Variants in CHST9 observed in about 807,000 individuals in gnomAD.
The protein encoded by CHST9 is carbohydrate sulfotransferase 9.
In CHST9, 41 loss-of-function variants were observed where a neutral mutation model predicts 44.4. The ratio of observed to expected loss-of-function variants is 0.92; its 90% CI spans 0.72 to 1.20. The LOEUF is 1.20. Ranked by LOEUF, CHST9 falls within the 50% of genes most tolerant of loss-of-function variation. CHST9 has a pLI of 0.00. For synonymous variants in CHST9, 171 were observed against 178.4 expected (o/e 0.96, Z 0.33); for missense variants, 504 against 516.5 (o/e 0.98, Z 0.23).
At chr18:26,967,515 A>G (rs769344384) in intron 4 of CHST9, among the ~76,000 whole-genome samples, 9 of 152,206 alleles carry the variant, frequency 5.9e-5, no homozygotes, top group Admixed American at 3.3e-4. Flanking sequence ...TAGAAGTCCT[A>G]TAATTTTGTG....
At chr18:26,981,687 GT>G (rs953552638) in intron 4 of CHST9, among the ~76,000 whole-genome samples, 3 of 152,180 alleles carry the variant, frequency 2.0e-5, no homozygotes, top group African/African-American at 7.2e-5. Flanking sequence ...GTGCTTTGTA[GT>G]TAACAAAGAC....
intron 4 of CHST9, among the ~76,000 whole-genome samples, chr18:26,994,189 A>AT (rs1349905449): frequency 6.6e-6 from 1 of 152,206 alleles, no homozygotes; most frequent in Non-Finnish European, 1.5e-5. Context: ...CAACATATAC[A>AT]TTTTGAGGGC....
chr18:27,123,761 G>T (rs188955953), intron 2 of CHST9, among the ~76,000 whole-genome samples: 2 of 152,272 alleles, frequency 1.3e-5, no homozygotes, highest in East Asian at 3.9e-4. Flanking sequence ...ATCTGAGGAG[G>T]CCAGAGAGAG....
intron 1 of CHST9, among the ~76,000 whole-genome samples, chr18:27,183,095 C>T (rs2058926274): frequency 6.7e-6 from 1 of 149,882 alleles, no homozygotes; most frequent in Non-Finnish European, 1.5e-5. Flanking sequence ...TAATTTCTAG[C>T]TTCTCTCTGT....
At position 27,024,111 on chromosome 18, in the gene CHST9, C is replaced by T; in HGVS notation, c.202+5G>A. The T allele has an allele frequency of 6.2e-7, 1 of 1,611,908 alleles. No individual in the cohort carries two copies. Among genetic ancestry groups the T allele is most frequent in the African/African-American group, 1.3e-5 (1 of 74,934 alleles). On this transcript the variant is annotated splice_donor_5th_base_variant and intron_variant, in intron 4 of 5. Coordinates refer to ENST00000618847, the MANE Select transcript of CHST9 (RefSeq NM_031422.6). ...AGATTCAAACATTATGAGGAAGTTACTCACTGATTCTGGGTACAGGCCGCA... is the reference window on the plus strand; with the variant it reads ...AGATTCAAACATTATGAGGAAGTTATTCACTGATTCTGGGTACAGGCCGCA...
At chr18:27,028,404 A>G (rs1009285009) in intron 3 of CHST9, among the ~76,000 whole-genome samples, 1 of 152,160 alleles carries the variant, frequency 6.6e-6, no homozygotes, top group African/African-American at 2.4e-5. Flanking sequence ...GTCCACATAC[A>G]TCTCCACAGG....
intron 4 of CHST9, among the ~76,000 whole-genome samples, chr18:26,956,203 T>C (rs1259740470): frequency 6.6e-6 from 1 of 150,744 alleles, no homozygotes; most frequent in Admixed American, 6.6e-5. Flanking sequence ...TCCCAGCTAC[T>C]CAGGAGGCTG....
At chr18:26,931,070 A>G (rs2055870079) in intron 5 of CHST9, among the ~76,000 whole-genome samples, 1 of 152,132 alleles carries the variant, frequency 6.6e-6, no homozygotes, top group South Asian at 2.1e-4. Context: ...GGGATTGTTG[A>G]TGCATCCAAC....
chr18:27,151,757 A>G (rs1490735394), intron 1 of CHST9, among the ~76,000 whole-genome samples: 8 of 152,174 alleles, frequency 5.3e-5, no homozygotes, highest in Non-Finnish European at 1.2e-4. Context: ...AGCAGCTAAA[A>G]AAGACAAGGA....
At position 26,908,558 on chromosome 18, in the gene CHST9, AAAG is replaced by A. The variant is rs1333282562; in HGVS notation, c.*7698_*7700del. ...TCAAAAGAAGAAAAATGCAAAGAGA[AAAG>A]AAGTAATTTTTAAATAAATAAATAA... On this transcript the variant is annotated 3_prime_UTR_variant, in exon 6 of 6. Coordinates refer to ENST00000618847, the MANE Select transcript of CHST9 (RefSeq NM_031422.6). 1.3e-5 allele frequency: 2 copies of A among 152,236 alleles called. No homozygotes were observed. The highest frequency in any genetic ancestry group is 4.8e-5 in the African/African-American group (2 of 41,468). 9.4% of individuals were successfully genotyped at this position (152,236 alleles called of 1,614,324 possible).
In CHST9 at chr18:26,915,622, T is replaced by C. The variant is rs949191606; in HGVS notation, c.*637A>G. On this transcript the variant is annotated 3_prime_UTR_variant, in exon 6 of 6. Coordinates refer to ENST00000618847, the MANE Select transcript of CHST9 (RefSeq NM_031422.6). ...CTTAAGTTTTTCTGGAAGAAGAAGG[T>C]TGGTTTTGTTGCTTTGATCTTAGCA... is the stretch of plus-strand genomic sequence containing the variant. The C allele has an allele frequency of 1.3e-5, 2 of 152,138 alleles. No homozygotes were observed. The highest frequency in any genetic ancestry group is 4.8e-5 in the African/African-American group (2 of 41,454). 9.4% of individuals were successfully genotyped at this position (152,138 alleles called of 1,614,324 possible). A position where few individuals can be genotyped will look rare whatever the true frequency, so the allele number is the denominator to read the frequency against.
At chr18:26,986,398 C>G (rs2056755502) in intron 4 of CHST9, among the ~76,000 whole-genome samples, 1 of 151,870 alleles carries the variant, frequency 6.6e-6, no homozygotes, top group Non-Finnish European at 1.5e-5. Flanking sequence ...AAAACAAAAA[C>G]ACAGAGAAAA....
At chr18:27,008,332 A>G (rs2057042416) in intron 4 of CHST9, among the ~76,000 whole-genome samples, 2 of 152,184 alleles carry the variant, frequency 1.3e-5, no homozygotes, top group Non-Finnish European at 2.9e-5. Flanking sequence ...ACTTCAGAGA[A>G]CTGACCTAAC....
At chr18:27,143,614 A>T (rs1567936229) in intron 1 of CHST9, among the ~76,000 whole-genome samples, 1 of 152,004 alleles carries the variant, frequency 6.6e-6, no homozygotes, top group African/African-American at 2.4e-5. Flanking sequence ...AAAAAATTGC[A>T]TCCTTTTTTG....
chr18:26,978,107 A>G (rs760343735), intron 4 of CHST9, among the ~76,000 whole-genome samples: 16 of 151,296 alleles, frequency 1.1e-4, no homozygotes, highest in South Asian at 4.2e-4. Flanking sequence ...TTTTCTCCCA[A>G]TGTAAAATTT....
chr18:27,076,621 T>G (rs574879561), intron 2 of CHST9, among the ~76,000 whole-genome samples: 1 of 152,224 alleles, frequency 6.6e-6, no homozygotes, highest in Non-Finnish European at 1.5e-5. Flanking sequence ...TATACCCGAA[T>G]GAGTCCAGAA....
intron 3 of CHST9, among the ~76,000 whole-genome samples, chr18:27,033,882 C>T (rs972840594): frequency 2.0e-5 from 3 of 152,198 alleles, no homozygotes; most frequent in African/African-American, 4.8e-5. Flanking sequence ...CCTGTGCCGC[C>T]TCTCAGGGAA....
At chr18:26,928,881 T>G (rs1420367613) in intron 5 of CHST9, among the ~76,000 whole-genome samples, 2 of 152,082 alleles carry the variant, frequency 1.3e-5, no homozygotes, top group African/African-American at 4.8e-5. Context: ...TGCAAAAGAA[T>G]GTTAAGAGAT....
chr18:26,947,360 C>A (rs1474836617), intron 4 of CHST9, among the ~76,000 whole-genome samples: 2 of 152,026 alleles, frequency 1.3e-5, no homozygotes, highest in African/African-American at 4.8e-5. Flanking sequence ...GAATTCATGA[C>A]TAAAACACCA....
Sources: gnomAD v4.1 joint callset for allele counts (sites outside exome capture counted in the v4.1 genomes callset) on GRCh38, gnomAD v4.1.1 for gene constraint, MANE v1.5 for transcripts, NCBI Gene and HGNC (gene_info 2026-07-23, HGNC 2026-07-21) for gene names.